Variants in NDUFB9 observed in about 807,000 individuals in gnomAD.
The protein encoded by NDUFB9 is NADH:ubiquinone oxidoreductase subunit B9, also known as NADH dehydrogenase [ubiquinone] 1 beta subcomplex subunit 9.
A neutral mutation model predicts 30.2 loss-of-function variants in NDUFB9; 24 were observed. That is an observed-to-expected ratio of 0.80 (90% CI 0.58 to 1.12). The LOEUF is 1.12. NDUFB9 is among the 50% of genes most tolerant of loss of function. The pLI is 0.00. For synonymous variants in NDUFB9, 80 were observed against 84.0 expected, an observed-to-expected ratio of 0.95 and a Z score of 0.26; for missense variants, 204 against 226.0, an observed-to-expected ratio of 0.90 and a Z score of 0.62.
chr8:124,546,622 A>G (rs764544466), intron 2 of NDUFB9: 7 of 288,390 alleles, frequency 2.4e-5, no homozygotes, highest in Non-Finnish European at 4.7e-5. Flanking sequence ...TTGCTATAAC[A>G]AAGTTCATTT....
intron 3 of NDUFB9, among the ~76,000 whole-genome samples, chr8:124,548,474 T>C (rs1047623050): frequency 1.3e-5 from 2 of 152,020 alleles, no homozygotes; most frequent in African/African-American, 2.4e-5. Flanking sequence ...GTGGACAAGA[T>C]GTGATAGTCA....
In NDUFB9 at chr8:124,539,406, C is replaced by G. The variant is rs1182080250; in HGVS notation, c.101+119C>G. The G allele has an allele frequency of 6.9e-6, 6 of 875,320 alleles. No individual in the cohort carries two copies. The Admixed American group carries it at 9.9e-5, about 14-fold the overall frequency. 54.2% of individuals were successfully genotyped at this position (875,320 alleles called of 1,614,324 possible). A position where few individuals can be genotyped will look rare whatever the true frequency, so the allele number is the denominator to read the frequency against. On this transcript the variant is annotated intron_variant, in intron 1 of 3. Coordinates refer to ENST00000276689, the MANE Select transcript of NDUFB9 (RefSeq NM_005005.3). ...GGAACGGAATTGGAAGGTGGCCTCT[C>G]GCTTCACAGAATCCTATGGTAGACC...
At chr8:124,549,636 T>C in intron 3 of NDUFB9, 125 bp from the exon 4 acceptor site, 1 of 890,526 alleles carries the variant, frequency 1.1e-6, no homozygotes, top group East Asian at 2.5e-5. Flanking sequence ...TTCAATATTG[T>C]GATCAGATAG....
chr8:124,540,880 C>T (rs1009153875), intron 1 of NDUFB9, among the ~76,000 whole-genome samples: 5 of 152,092 alleles, frequency 3.3e-5, no homozygotes, highest in South Asian at 2.1e-4. Context: ...TGTTAGATCA[C>T]GACTGTTGGC....
In NDUFB9 at chr8:124,539,134, G is replaced by C. The variant is rs998066718; in HGVS notation, c.-53G>C. On this transcript the variant is annotated 5_prime_UTR_variant, in exon 1 of 4. Transcript: ENST00000276689. Reference sequence around the variant, plus strand: ...GGCTGGCCCCGCTCAGTCACCCGCAGCAGGCGTGCAGTTTCCCGGCTCTCC... The same window carrying C: ...GGCTGGCCCCGCTCAGTCACCCGCACCAGGCGTGCAGTTTCCCGGCTCTCC... The C allele has an allele frequency of 1.9e-6, 3 of 1,613,106 alleles. No homozygotes were observed. Among genetic ancestry groups the C allele is most frequent in the Admixed American group, 1.7e-5 (1 of 60,016 alleles).
At chr8:124,542,409 G>A (rs1010811228) in intron 1 of NDUFB9, among the ~76,000 whole-genome samples, 1 of 152,110 alleles carries the variant, frequency 6.6e-6, no homozygotes, top group African/African-American at 2.4e-5. Flanking sequence ...TAAGATTCAG[G>A]CCCATACAGT....
At chr8:124,549,645 A>G (rs1822285093) in intron 3 of NDUFB9, 116 bp from the exon 4 acceptor site, 4 of 924,690 alleles carry the variant, frequency 4.3e-6, no homozygotes, top group Non-Finnish European at 7.1e-6. Context: ...GTGATCAGAT[A>G]GTGTGTAATG....
chr8:124,549,814 GC>G lies in NDUFB9; in HGVS notation c.467del (p.Pro156LeufsTer16), dbSNP rs1231588005. ...PPGGPLTEAL[P>X]PARKEGDLPP... ...CTGGTGGTCCTTTAACTGAAGCTTT[GC>G]CCCCTGCCCGAAAGGAAGGTGATTT... On this transcript the variant is annotated frameshift_variant, in exon 4 of 4. Coordinates refer to ENST00000276689, the MANE Select transcript of NDUFB9 (RefSeq NM_005005.3). LOFTEE classifies it high-confidence loss of function. The G allele has an allele frequency of 6.2e-7, 1 of 1,613,990 alleles. No homozygotes were observed. Among genetic ancestry groups the G allele is most frequent in the Non-Finnish European group, 8.5e-7 (1 of 1,180,010 alleles).
intron 2 of NDUFB9, chr8:124,546,714 T>G: frequency 8.0e-6 from 4 of 497,410 alleles, no homozygotes; most frequent in South Asian, 4.7e-5. Context: ...AAGATAAGAC[T>G]ACTCTGGATA....
chr8:124,544,534 ATGCAGT>A (rs1822108915), intron 2 of NDUFB9, among the ~76,000 whole-genome samples: 1 of 152,226 alleles, frequency 6.6e-6, no homozygotes, highest in East Asian at 1.9e-4. Context: ...TTAGGGACTA[ATGCAGT>A]TGGTGGTTTT....
intron 2 of NDUFB9, 28 bp downstream of exon 2, chr8:124,543,307 C>T (rs780323181): frequency 1.3e-6 from 2 of 1,598,868 alleles, no homozygotes; most frequent in South Asian, 2.2e-5. Flanking sequence ...TGACTGCCTT[C>T]TGAGAAATAG....
intron 3 of NDUFB9, among the ~76,000 whole-genome samples, chr8:124,549,026 A>G (rs533443124): frequency 1.3e-5 from 2 of 152,330 alleles, no homozygotes; most frequent in South Asian, 4.1e-4. Context: ...ACCGTTTAGA[A>G]GCTTGAAGTA....
At chr8:124,543,693 C>A (rs578089849) in intron 2 of NDUFB9, among the ~76,000 whole-genome samples, 106 of 152,266 alleles carry the variant, frequency 7.0e-4, no homozygotes, top group African/African-American at 2.5e-3. Context: ...AAACCATGCC[C>A]ACATAAGACA....
chr8:124,545,822 C>A (rs1189709501), intron 2 of NDUFB9, among the ~76,000 whole-genome samples: 2 of 151,976 alleles, frequency 1.3e-5, no homozygotes, highest in Non-Finnish European at 2.9e-5. Flanking sequence ...AGCCACCTCA[C>A]CCAACCAATA....
At chr8:124,547,571 C>A in intron 3 of NDUFB9, 1 of 343,034 alleles carries the variant, frequency 2.9e-6, no homozygotes, top group Non-Finnish European at 5.4e-6. Context: ...GTTGTCATGA[C>A]TAACACTAGG....
At chr8:124,548,288 T>C (rs1346097778) in intron 3 of NDUFB9, among the ~76,000 whole-genome samples, 2 of 152,042 alleles carry the variant, frequency 1.3e-5, no homozygotes, top group Non-Finnish European at 2.9e-5. Flanking sequence ...GGAGAGAGTA[T>C]AGAGAAAAAA....
chr8:124,544,672 A>G (rs1369782670), intron 2 of NDUFB9, among the ~76,000 whole-genome samples: 7 of 152,344 alleles, frequency 4.6e-5, no homozygotes, highest in South Asian at 2.1e-4. Flanking sequence ...GCAAATCTGT[A>G]TACAACATGG....
intron 1 of NDUFB9, among the ~76,000 whole-genome samples, chr8:124,541,322 T>C (rs956772081): frequency 2.6e-5 from 4 of 152,256 alleles, no homozygotes; most frequent in Admixed American, 6.5e-5. Flanking sequence ...TTATTAGTAA[T>C]TCAGTTACTG....
In NDUFB9 at chr8:124,546,785, A is replaced by G. The variant is rs573367104; in HGVS notation, c.295-215A>G. 505 of 597,788 alleles carry G rather than the reference A, an allele frequency of 8.4e-4. 1 individual carries two copies. Among genetic ancestry groups the G allele is most frequent in the Middle Eastern group, 8.4e-3 (19 of 2,258 alleles). The allele number at this position is 597,788 out of a possible 1,614,324, so 37.0% of individuals were successfully genotyped here. ...TTCTCCTTGGACTGATGATGGTGCT[A>G]TTTTTCAGCACAGTCTTTGACTCTA... On this transcript the variant is annotated intron_variant, in intron 2 of 3. Transcript: ENST00000276689.
Sources: allele counts gnomAD v4.1 joint callset (sites outside exome capture counted in the v4.1 genomes callset), GRCh38; gene constraint gnomAD v4.1.1; transcripts MANE v1.5; gene names NCBI Gene and HGNC (gene_info 2026-07-23, HGNC 2026-07-21).